Variants in EMC3 observed in about 807,000 individuals in gnomAD.
EMC3 encodes the protein ER membrane protein complex subunit 3.
A neutral mutation model predicts 36.6 loss-of-function variants in EMC3; 13 were observed. The observed-to-expected ratio is 0.35, with a 90% CI of 0.23 to 0.56. The LOEUF (loss-of-function observed/expected upper bound fraction) is 0.56, where lower values mean the gene tolerates loss of function less well. Among genes scored for constraint, EMC3 ranks in the 20% least tolerant of loss-of-function variants. EMC3 has a pLI of 0.84. For synonymous variants in EMC3, 120 were observed against 111.9 expected (o/e 1.07, Z -0.46); for missense variants, 220 against 324.5 (o/e 0.68, Z 2.47).
At chr3:9,998,451 A>G (rs1208352320) in intron 1 of EMC3, among the ~76,000 whole-genome samples, 1 of 149,842 alleles carries the variant, frequency 6.7e-6, no homozygotes, top group East Asian at 1.9e-4. Flanking sequence ...TTTTTTATGT[A>G]TAGGATCTTG....
At chr3:9,976,672 A>G (rs2085853373) in intron 3 of EMC3, among the ~76,000 whole-genome samples, 1 of 152,162 alleles carries the variant, frequency 6.6e-6, no homozygotes, top group South Asian at 2.1e-4. Context: ...TCCTGAGAAC[A>G]GCAATAAGGA....
intron 1 of EMC3, among the ~76,000 whole-genome samples, chr3:9,978,687 G>A (rs765172160): frequency 3.3e-5 from 5 of 151,302 alleles, no homozygotes; most frequent in African/African-American, 9.7e-5. Flanking sequence ...AAAATTAGCC[G>A]GGTGTGGTGG....
chr3:9,982,959 T>C (rs2085928213), intron 1 of EMC3, among the ~76,000 whole-genome samples: 1 of 151,966 alleles, frequency 6.6e-6, no homozygotes, highest in African/African-American at 2.4e-5. Flanking sequence ...TGGTTCAGCA[T>C]GTACAGCATT....
chr3:9,988,029 GCCACCCTTTTC>G, upstream of EMC3: 1 of 763,418 alleles, frequency 1.3e-6, no homozygotes. Context: ...ATGGATAATT[GCCACCCTTTTC>G]CTCACATAGG....
chr3:9,986,904 T>A (rs762827869), upstream of EMC3: 26 of 1,306,168 alleles, frequency 2.0e-5, no homozygotes, highest in Non-Finnish European at 2.4e-5. Context: ...GCGTCGGGCC[T>A]GGCGGGAAAG....
At chr3:9,992,957 A>G in intron 1 of EMC3, 1 of 1,609,880 alleles carries the variant, frequency 6.2e-7, no homozygotes, top group Non-Finnish European at 8.5e-7. Flanking sequence ...ATAAGATTCG[A>G]TCAGGCTGCA....
intron 1 of EMC3, chr3:9,992,755 G>A (rs2124927702): frequency 7.4e-6 from 5 of 676,750 alleles, no homozygotes; most frequent in East Asian, 2.7e-5. Context: ...TACTACCAGG[G>A]GAGTGTGTGG....
At chr3:9,999,061 T>G (rs528217943) in intron 1 of EMC3, among the ~76,000 whole-genome samples, 1 of 152,304 alleles carries the variant, frequency 6.6e-6, no homozygotes, top group African/African-American at 2.4e-5. Flanking sequence ...CTCAGCCCTT[T>G]GCCCGTTTTT....
chr3:9,969,691 T>C (rs778728639), intron 7 of EMC3, 28 bp downstream of exon 7: 1 of 1,614,172 alleles, frequency 6.2e-7, no homozygotes, highest in South Asian at 1.1e-5. Context: ...AGAGCATTGC[T>C]GCAGCTTTGA....
chr3:9,994,766 T>A (rs2086102845), intron 1 of EMC3, among the ~76,000 whole-genome samples: 2 of 152,074 alleles, frequency 1.3e-5, no homozygotes, highest in African/African-American at 4.8e-5. Flanking sequence ...GAGACAGGGT[T>A]TCACCATGTT....
chr3:9,963,810 C>T lies in EMC3; in HGVS notation c.*259G>A, dbSNP rs151154543. 899 of 378,248 alleles carry T rather than the reference C, an allele frequency of 2.4e-3. 9 individuals carry two copies. Among genetic ancestry groups the T allele is most frequent in the African/African-American group, 0.016 (754 of 48,246 alleles). 23.4% of individuals were successfully genotyped at this position (378,248 alleles called of 1,614,324 possible). A position where few individuals can be genotyped will look rare whatever the true frequency, so the allele number is the denominator to read the frequency against. On this transcript the variant is annotated 3_prime_UTR_variant, in exon 8 of 8. Coordinates refer to ENST00000245046, the MANE Select transcript of EMC3 (RefSeq NM_001394674.1). Reference sequence around the variant, plus strand: ...TATATTATCAGTAGCCTGAGGTTTCCCCCTTTCTCTGACTTTCATTACTAG... The same window carrying T: ...TATATTATCAGTAGCCTGAGGTTTCTCCCTTTCTCTGACTTTCATTACTAG...
At position 10,002,622 on chromosome 3, in the gene EMC3, C is replaced by T. The variant is rs1044359965; in HGVS notation, c.-242+8401G>A. 1.1e-5 allele frequency: 4 copies of T among 368,008 alleles called. No homozygotes were observed. In the East Asian group the frequency reaches 2.2e-4, roughly 20 times the overall value. The allele number at this position is 368,008 out of a possible 1,614,324, so 22.8% of individuals were successfully genotyped here. ...CTTAAATACATAAAGACCCTGTGGC[C>T]TCCCCCTCCACCCAGAGCAACAGCA... On this transcript the variant is annotated intron_variant, in intron 1 of 8. Transcript: ENST00000470827.
chr3:9,990,751 C>T (rs2086039556), upstream of EMC3, among the ~76,000 whole-genome samples: 1 of 151,246 alleles, frequency 6.6e-6, no homozygotes, highest in African/African-American at 2.4e-5. Flanking sequence ...TCAGGTGATC[C>T]ACCCACCTGC....
At chr3:9,972,171 C>T (rs1050794794) in intron 5 of EMC3, among the ~76,000 whole-genome samples, 2 of 151,830 alleles carry the variant, frequency 1.3e-5, no homozygotes, top group South Asian at 2.1e-4. Flanking sequence ...ATATGGAAAA[C>T]GCTAAGCCCA....
intron 1 of EMC3, chr3:10,006,785 T>C (rs1273156312): frequency 5.1e-5 from 20 of 394,690 alleles, no homozygotes; most frequent in Non-Finnish European, 7.3e-5. Context: ...AGAGTCCATG[T>C]CAAATGTCTC....
At chr3:10,008,363 GCAAAAACC>G (rs1304893834) in intron 1 of EMC3, 1 of 1,354,484 alleles carries the variant, frequency 7.4e-7, no homozygotes, top group African/African-American at 1.5e-5. Flanking sequence ...AGGCACCAGG[GCAAAAACC>G]CACAAACAGA....
chr3:9,986,793 C>T lies in EMC3; in HGVS notation c.-132G>A, dbSNP rs2085979131. 1 of 1,470,750 alleles carries T rather than the reference C, an allele frequency of 6.8e-7. No homozygotes were observed. Among genetic ancestry groups the T allele is most frequent in the African/African-American group, 1.4e-5 (1 of 70,944 alleles). The allele number at this position is 1,470,750 out of a possible 1,614,324, so 91.1% of individuals were successfully genotyped here. A position where few individuals can be genotyped will look rare whatever the true frequency, so the allele number is the denominator to read the frequency against. On this transcript the variant is annotated 5_prime_UTR_variant, in exon 1 of 8. Coordinates refer to ENST00000245046, the MANE Select transcript of EMC3 (RefSeq NM_001394674.1). Reference sequence around the variant, plus strand: ...CGTGTACCCCAGAACTCTCCTGCGACTGTGAGCCGAGCTTACTGCCTTCAG... The same window carrying T: ...CGTGTACCCCAGAACTCTCCTGCGATTGTGAGCCGAGCTTACTGCCTTCAG...
At chr3:9,994,196 G>T in intron 1 of EMC3, 1 of 1,584,838 alleles carries the variant, frequency 6.3e-7, no homozygotes. Flanking sequence ...AGGTTCTTAA[G>T]GATATGTGTT....
intron 1 of EMC3, chr3:10,002,626 C>G (rs1238499584): frequency 2.7e-6 from 1 of 368,468 alleles, no homozygotes; most frequent in Non-Finnish European, 5.3e-6. Context: ...TGTGGCCTCC[C>G]CCTCCACCCA....
Sources: gnomAD v4.1 joint callset for allele counts (sites outside exome capture counted in the v4.1 genomes callset) on GRCh38, gnomAD v4.1.1 for gene constraint, MANE v1.5 for transcripts, NCBI Gene and HGNC (gene_info 2026-07-23, HGNC 2026-07-21) for gene names.